SMAP1: variants seen among roughly 807,000 people sequenced by gnomAD.
The protein encoded by SMAP1 is small ArfGAP 1.
A neutral mutation model predicts 58.5 loss-of-function variants in SMAP1; 24 were observed. That is an observed-to-expected ratio of 0.41 (90% CI 0.30 to 0.58). The LOEUF is 0.58. SMAP1 is among the 20% of genes least tolerant of loss of function. The pLI, the probability that SMAP1 is intolerant of heterozygous loss-of-function variation, is 0.29. For synonymous variants in SMAP1, 216 were observed against 196.6 expected (o/e 1.10, Z -0.82); for missense variants, 563 against 566.3 (o/e 0.99, Z 0.06).
intron 3 of SMAP1, among the ~76,000 whole-genome samples, chr6:70,763,627 G>A (rs754719258): frequency 5.9e-5 from 9 of 152,116 alleles, no homozygotes; most frequent in Non-Finnish European, 1.2e-4. Context: ...TAGGTCTATT[G>A]CACCAAATAG....
At chr6:70,722,231 T>C (rs998600055) in intron 1 of SMAP1, among the ~76,000 whole-genome samples, 1 of 152,206 alleles carries the variant, frequency 6.6e-6, no homozygotes, top group Non-Finnish European at 1.5e-5. Flanking sequence ...CAGCCTCTGT[T>C]AATATATTTG....
chr6:70,729,459 T>TTGTG (rs35058846), intron 1 of SMAP1, among the ~76,000 whole-genome samples: 18,984 of 127,976 alleles, frequency 0.15, 1,633 homozygotes, highest in South Asian at 0.29. Context: ...AAAAAGAAGG[T>TTGTG]TGTGTGTGTG....
At chr6:70,744,394 A>T (rs964567348) in intron 2 of SMAP1, among the ~76,000 whole-genome samples, 2 of 152,022 alleles carry the variant, frequency 1.3e-5, no homozygotes, top group Non-Finnish European at 2.9e-5. Flanking sequence ...TCATTGTTCA[A>T]TTCCCACCTA....
chr6:70,848,402 T>TA (rs2150006789), intron 7 of SMAP1, among the ~76,000 whole-genome samples: 1 of 152,356 alleles, frequency 6.6e-6, no homozygotes, highest in South Asian at 2.1e-4. Context: ...CAAATAATTA[T>TA]AAACTATTTT....
chr6:70,725,093 GTTTTTTTTTTTTTTTTTTTTTTTTTTT>G (rs745587315), intron 1 of SMAP1, among the ~76,000 whole-genome samples: 6 of 47,822 alleles, frequency 1.3e-4, no homozygotes, highest in Admixed American at 3.6e-4. Context: ...ATTAACCAGT[GTTTTTTTTTTTTTTTTTTTTTTTTTTT>G]TTTTTTTTTT....
chr6:70,730,713 C>T (rs1056596630), intron 1 of SMAP1, among the ~76,000 whole-genome samples: 1 of 152,182 alleles, frequency 6.6e-6, no homozygotes, highest in Non-Finnish European at 1.5e-5. Context: ...TACTTACTAG[C>T]TTTAATGTTG....
At chr6:70,795,320 C>G (rs938069183) in intron 5 of SMAP1, among the ~76,000 whole-genome samples, 4 of 152,132 alleles carry the variant, frequency 2.6e-5, no homozygotes, top group African/African-American at 9.7e-5. Flanking sequence ...AAATAACTGT[C>G]TTCACCTGTG....
intron 1 of SMAP1, among the ~76,000 whole-genome samples, chr6:70,709,991 T>A (rs1054119199): frequency 6.6e-6 from 1 of 152,042 alleles, no homozygotes; most frequent in African/African-American, 2.4e-5. Context: ...AGTCATTAGG[T>A]GATTTCGTCA....
At chr6:70,774,594 A>G (rs1767469057) in intron 4 of SMAP1, among the ~76,000 whole-genome samples, 1 of 152,210 alleles carries the variant, frequency 6.6e-6, no homozygotes, top group Non-Finnish European at 1.5e-5. Context: ...GTTTTTAAGT[A>G]TCAGCTCAAT....
intron 1 of SMAP1, among the ~76,000 whole-genome samples, chr6:70,719,836 C>T (rs1768441094): frequency 6.6e-6 from 1 of 152,164 alleles, no homozygotes; most frequent in South Asian, 2.1e-4. Flanking sequence ...CCCCATGGTT[C>T]AATTATCTTG....
chr6:70,731,237 T>C (rs1440599848), intron 1 of SMAP1, among the ~76,000 whole-genome samples: 1 of 152,248 alleles, frequency 6.6e-6, no homozygotes, highest in Non-Finnish European at 1.5e-5. Flanking sequence ...ATTTTTACTT[T>C]ATTAATTTTA....
chr6:70,740,839 T>C (rs12204418), intron 2 of SMAP1, among the ~76,000 whole-genome samples: 69,199 of 152,090 alleles, frequency 0.45, 16,044 homozygotes, highest in South Asian at 0.5. Context: ...CACAGTTCCA[T>C]GTGGCTGGGG....
At chr6:70,842,337 C>A (rs1770835057) in intron 7 of SMAP1, among the ~76,000 whole-genome samples, 1 of 152,136 alleles carries the variant, frequency 6.6e-6, no homozygotes, top group African/African-American at 2.4e-5. Flanking sequence ...AGTCACACTG[C>A]ATAGGAAAGA....
chr6:70,799,342 A>G (rs953842514), intron 6 of SMAP1, among the ~76,000 whole-genome samples: 1 of 152,166 alleles, frequency 6.6e-6, no homozygotes, highest in African/African-American at 2.4e-5. Flanking sequence ...CAGCACTTCA[A>G]ATTCTAAAGC....
At chr6:70,749,741 T>A (rs1470470671) in intron 2 of SMAP1, among the ~76,000 whole-genome samples, 4 of 152,198 alleles carry the variant, frequency 2.6e-5, no homozygotes, top group African/African-American at 9.7e-5. Context: ...TTCAGGTACT[T>A]CTTAGCATCT....
intron 4 of SMAP1, among the ~76,000 whole-genome samples, chr6:70,785,593 G>C (rs1052578683): frequency 1.3e-5 from 2 of 152,036 alleles, no homozygotes; most frequent in South Asian, 2.1e-4. Context: ...GAATCAAATA[G>C]ACGCAATAAA....
chr6:70,717,922 A>G (rs529440581), intron 1 of SMAP1, among the ~76,000 whole-genome samples: 23 of 152,288 alleles, frequency 1.5e-4, no homozygotes, highest in African/African-American at 5.5e-4. Flanking sequence ...TTATATATCT[A>G]TTTTAGTGTT....
At chr6:70,668,655 G>A (rs1263605564) in intron 1 of SMAP1, 3 of 1,535,856 alleles carry the variant, frequency 2.0e-6, no homozygotes, top group African/African-American at 2.7e-5. Flanking sequence ...CTGCCCACCT[G>A]ACAGCTTTTG....
intron 1 of SMAP1, among the ~76,000 whole-genome samples, chr6:70,669,871 A>G (rs1766192118): frequency 6.6e-6 from 1 of 152,190 alleles, no homozygotes; most frequent in Non-Finnish European, 1.5e-5. Context: ...CTGTCTCCAA[A>G]AAAGTACTTT....
Sources: allele counts gnomAD v4.1 joint callset (sites outside exome capture counted in the v4.1 genomes callset), GRCh38; gene constraint gnomAD v4.1.1; transcripts MANE v1.5; gene names NCBI Gene and HGNC (gene_info 2026-07-23, HGNC 2026-07-21).